The following TPTE2 variants were observed in gnomAD, a reference collection of about 807,000 sequenced individuals.
TPTE2 encodes the protein phosphatidylinositol 3,4,5-trisphosphate 3-phosphatase TPTE2.
TPTE2 carries 53 observed loss-of-function variants against 78.6 expected under a neutral mutation model. That is an observed-to-expected ratio of 0.67 (90% CI 0.54 to 0.85). TPTE2 has a LOEUF of 0.85. Ranked by LOEUF, TPTE2 falls within the 40% of genes least tolerant of loss-of-function variation. The probability of loss-of-function intolerance (pLI) is 0.00; values close to 1 mark genes in which losing one functional copy is unlikely to be tolerated. For synonymous variants in TPTE2, 175 were observed against 206.2 expected (o/e 0.85, Z 1.30); for missense variants, 461 against 623.0 (o/e 0.74, Z 2.77).
intron 3 of TPTE2, among the ~76,000 whole-genome samples, chr13:19,488,472 T>C (rs146554098): frequency 0.011 from 1,633 of 152,376 alleles, 11 homozygotes; most frequent in Non-Finnish European, 0.019. Context: ...GCCACCTTCA[T>C]CAATTATCTC....
Position 19,478,868 on chromosome 13 carries a change from G to A in TPTE2, c.180-3245C>T, listed in dbSNP as rs1038115351. On this transcript the variant is annotated intron_variant, in intron 4 of 19. Coordinates refer to ENST00000400230, the Ensembl canonical transcript of TPTE2. ...AGTTCATGTCCTTTGTAGGGACATG[G>A]ATGAAGCTGGAAACCATCATTCTCG... is the stretch of plus-strand genomic sequence containing the variant. 4.6e-5 allele frequency among the ~76,000 whole-genome samples: 7 copies of A among 152,266 alleles called. No homozygotes were observed. In the East Asian group the frequency reaches 7.7e-4, roughly 17 times the overall value.
intron 3 of TPTE2, among the ~76,000 whole-genome samples, chr13:19,483,161 T>C (rs542915235): frequency 4.8e-4 from 73 of 152,366 alleles, no homozygotes; most frequent in African/African-American, 1.7e-3. Context: ...GGCTGCTGAC[T>C]GATCAGAGTG....
At chr13:19,499,942 A>AT (rs1881655560) in intron 1 of TPTE2, among the ~76,000 whole-genome samples, 1 of 142,842 alleles carries the variant, frequency 7.0e-6, no homozygotes, top group African/African-American at 2.9e-5. Flanking sequence ...AATCTATTAA[A>AT]CGCAATAAAA....
At chr13:19,430,543 A>C (rs146438555) in exon 17 of TPTE2, 2 of 1,609,928 alleles carry the variant, frequency 1.2e-6, no homozygotes, top group Non-Finnish European at 1.7e-6. Context: ...GATCACATAC[A>C]TCACCTGTTC....
At chr13:19,531,200 C>T (rs1308953883) in intron 1 of TPTE2, among the ~76,000 whole-genome samples, 3 of 152,198 alleles carry the variant, frequency 2.0e-5, no homozygotes, top group Non-Finnish European at 2.9e-5. Context: ...AAGGCTGAAT[C>T]ATATTCCATT....
upstream of TPTE2, among the ~76,000 whole-genome samples, chr13:19,506,860 C>T (rs528434588): frequency 6.6e-6 from 1 of 152,158 alleles, no homozygotes; most frequent in Non-Finnish European, 1.5e-5. Context: ...ATAGCCCAAC[C>T]TGGTAGAATC....
At chr13:19,465,686 C>G (rs953565967) in intron 7 of TPTE2, 122 bp from the exon 11 acceptor site, 1 of 781,126 alleles carries the variant, frequency 1.3e-6, no homozygotes, top group African/African-American at 1.8e-5. Context: ...AATTACCTAC[C>G]TGGGGGATAT....
At chr13:19,520,898 AT>A (rs1379022209) in intron 1 of TPTE2, among the ~76,000 whole-genome samples, 1 of 151,958 alleles carries the variant, frequency 6.6e-6, no homozygotes, top group Non-Finnish European at 1.5e-5. Context: ...ATATTGGTGA[AT>A]TTCCCAAATT....
At chr13:19,551,036 A>T in the TPTE2 span, among the ~76,000 whole-genome samples, 947 of 152,256 alleles carry the variant, frequency 6.2e-3, 15 homozygotes, top group African/African-American at 0.022. Flanking sequence ...AAATCCAAAC[A>T]TGTTGTAAGA....
chr13:19,447,290 A>G (rs1877905485), intron 13 of TPTE2, among the ~76,000 whole-genome samples: 1 of 152,192 alleles, frequency 6.6e-6, no homozygotes, highest in African/African-American at 2.4e-5. Flanking sequence ...AGCAAAAAAG[A>G]AAAAAAGTCA....
chr13:19,472,024 A>G (rs1879647880), intron 6 of TPTE2, among the ~76,000 whole-genome samples: 1 of 152,166 alleles, frequency 6.6e-6, no homozygotes, highest in South Asian at 2.1e-4. Context: ...TTTCTACTAA[A>G]GAGTCTGCTG....
intron 6 of TPTE2, among the ~76,000 whole-genome samples, chr13:19,469,692 A>G (rs1450561251): frequency 3.3e-5 from 5 of 151,952 alleles, no homozygotes; most frequent in Non-Finnish European, 7.4e-5. Context: ...GTCCTCTTCA[A>G]TTTCTTTCAT....
the TPTE2 span, among the ~76,000 whole-genome samples, chr13:19,558,949 G>A: frequency 2.0e-5 from 3 of 152,058 alleles, no homozygotes; most frequent in Non-Finnish European, 4.4e-5. Context: ...CTATTTATCT[G>A]TGCATTAATA....
At chr13:19,469,104 T>A (rs1390472060) in intron 6 of TPTE2, among the ~76,000 whole-genome samples, 1 of 152,204 alleles carries the variant, frequency 6.6e-6, no homozygotes, top group Non-Finnish European at 1.5e-5. Context: ...CTCAGACCAA[T>A]GTCCTGGAGA....
chr13:19,490,178 A>G (rs1007436286), intron 3 of TPTE2, among the ~76,000 whole-genome samples: 18 of 152,252 alleles, frequency 1.2e-4, no homozygotes, highest in African/African-American at 4.3e-4. Context: ...AATTTTACCA[A>G]TCTTAATATA....
chr13:19,464,018 T>C (rs1003856092), intron 10 of TPTE2, among the ~76,000 whole-genome samples: 4 of 152,026 alleles, frequency 2.6e-5, no homozygotes, highest in African/African-American at 9.7e-5. Flanking sequence ...TTGGCAGCAG[T>C]GGGTGCCAGA....
At chr13:19,438,961 G>C (rs1014638442) in intron 13 of TPTE2, among the ~76,000 whole-genome samples, 6 of 152,172 alleles carry the variant, frequency 3.9e-5, no homozygotes, top group Non-Finnish European at 7.3e-5. Context: ...GGCAGAGGAA[G>C]AGATTGTTTC....
intron 17 of TPTE2, among the ~76,000 whole-genome samples, chr13:19,428,454 A>AAAAAG (rs1566034973): frequency 6.6e-6 from 1 of 152,120 alleles, no homozygotes; most frequent in East Asian, 1.9e-4. Flanking sequence ...ATCTCAGAAA[A>AAAAAG]AAAAGAAAAG....
chr13:19,544,934 T>TCACACACACA, the TPTE2 span, among the ~76,000 whole-genome samples: 3 of 142,336 alleles, frequency 2.1e-5, no homozygotes, highest in South Asian at 4.7e-4. Context: ...ACGTGCACAC[T>TCACACACACA]CACACACACA....
Sources: gnomAD v4.1 joint callset for allele counts (sites outside exome capture counted in the v4.1 genomes callset) on GRCh38, gnomAD v4.1.1 for gene constraint, MANE v1.5 for transcripts, NCBI Gene and HGNC (gene_info 2026-07-23, HGNC 2026-07-21) for gene names.